Variants in CHCHD6 observed in about 807,000 individuals in gnomAD.
CHCHD6 encodes coiled-coil-helix-coiled-coil-helix domain containing 6, also known as MICOS complex subunit MIC25.
In CHCHD6, 28 loss-of-function variants were observed where a neutral mutation model predicts 32.3. The observed-to-expected ratio is 0.87, with a 90% CI of 0.64 to 1.19. The LOEUF is 1.19. CHCHD6 is among the 50% of genes most tolerant of loss of function. The probability of loss-of-function intolerance (pLI) is 0.00; values close to 1 mark genes in which losing one functional copy is unlikely to be tolerated. For synonymous variants in CHCHD6, 122 were observed against 117.5 expected (o/e 1.04, Z -0.25); for missense variants, 333 against 307.0 (o/e 1.08, Z -0.63).
At chr3:126,733,328 C>A (rs1395597246) in intron 4 of CHCHD6, 106 bp downstream of exon 4, 6 of 1,122,812 alleles carry the variant, frequency 5.3e-6, no homozygotes, top group Non-Finnish European at 7.7e-6. Context: ...CTGGCTCAGG[C>A]TGCCCCTGGG....
chr3:126,890,130 GC>G (rs1307115356), intron 5 of CHCHD6, among the ~76,000 whole-genome samples: 1 of 152,240 alleles, frequency 6.6e-6, no homozygotes, highest in African/African-American at 2.4e-5. Flanking sequence ...TAGGCCATGT[GC>G]CAGCCGCCTG....
intron 1 of CHCHD6, among the ~76,000 whole-genome samples, chr3:126,707,129 T>C (rs1387008350): frequency 6.6e-6 from 1 of 152,056 alleles, no homozygotes; most frequent in Non-Finnish European, 1.5e-5. Context: ...TAGCTGGGCA[T>C]GGTGGCACAC....
At chr3:126,784,344 G>C (rs549329498) in intron 4 of CHCHD6, among the ~76,000 whole-genome samples, 59 of 152,202 alleles carry the variant, frequency 3.9e-4, no homozygotes, top group African/African-American at 1.3e-3. Flanking sequence ...AAACTTCCCT[G>C]TTCTCAGCCC....
chr3:126,721,168 G>A lies in CHCHD6; in HGVS notation c.88-5910G>A, dbSNP rs544942628. 1.1e-4 allele frequency among the ~76,000 whole-genome samples: 17 copies of A among 152,250 alleles called. 1 individual carries two copies. The highest frequency in any genetic ancestry group is 6.8e-3 in the Middle Eastern group (2 of 294). On this transcript the variant is annotated intron_variant, in intron 1 of 7. Coordinates refer to ENST00000290913, the MANE Select transcript of CHCHD6 (RefSeq NM_032343.3). ...TTTCATCCCACCTCCCACGCAGGCCGTGGTGATGTTTCCTTGCTCACAAAC... is the reference window on the plus strand; with the variant it reads ...TTTCATCCCACCTCCCACGCAGGCCATGGTGATGTTTCCTTGCTCACAAAC...
At chr3:126,877,609 A>C (rs2077556241) in intron 5 of CHCHD6, among the ~76,000 whole-genome samples, 2 of 152,212 alleles carry the variant, frequency 1.3e-5, no homozygotes, top group African/African-American at 4.8e-5. Flanking sequence ...TACAAACAGC[A>C]TTAAAGGAAC....
intron 4 of CHCHD6, among the ~76,000 whole-genome samples, chr3:126,816,009 A>G (rs1308667155): frequency 3.9e-5 from 6 of 152,078 alleles, no homozygotes; most frequent in Non-Finnish European, 7.4e-5. Flanking sequence ...AAAGGTGTCT[A>G]TTGACATCCA....
intron 4 of CHCHD6, among the ~76,000 whole-genome samples, chr3:126,843,731 T>A (rs1016418255): frequency 2.0e-5 from 3 of 152,126 alleles, no homozygotes; most frequent in Admixed American, 1.3e-4. Context: ...CTCCCAAGAG[T>A]TCAATTACAT....
At chr3:126,734,955 G>T (rs555719689) in intron 4 of CHCHD6, among the ~76,000 whole-genome samples, 29 of 152,334 alleles carry the variant, frequency 1.9e-4, no homozygotes, top group African/African-American at 6.5e-4. Context: ...GATCTGACTT[G>T]TGCTTTTAGA....
At chr3:126,764,109 T>C (rs895677954) in intron 4 of CHCHD6, among the ~76,000 whole-genome samples, 1 of 150,668 alleles carries the variant, frequency 6.6e-6, no homozygotes, top group Non-Finnish European at 1.5e-5. Flanking sequence ...TTTTTTTGTT[T>C]TCTAGACAAT....
chr3:126,955,210 G>A (rs2078766481), intron 6 of CHCHD6, among the ~76,000 whole-genome samples: 1 of 152,246 alleles, frequency 6.6e-6, no homozygotes, highest in Non-Finnish European at 1.5e-5. Flanking sequence ...TTAAGCACCT[G>A]GAGACAAATC....
intron 1 of CHCHD6, among the ~76,000 whole-genome samples, chr3:126,713,549 G>A (rs9839501): frequency 0.21 from 31,240 of 152,108 alleles, 3,494 homozygotes; most frequent in South Asian, 0.35. Context: ...TGGCTGGCCA[G>A]GTGGAAGTGT....
chr3:126,862,126 A>C (rs1576511542), intron 5 of CHCHD6, among the ~76,000 whole-genome samples: 3 of 37,030 alleles, frequency 8.1e-5, no homozygotes, highest in Admixed American at 2.9e-4. Context: ...CACCATCACC[A>C]CCTCCCCCTC....
At chr3:126,835,322 ACGT>A (rs1559871972) in intron 4 of CHCHD6, among the ~76,000 whole-genome samples, 1 of 151,574 alleles carries the variant, frequency 6.6e-6, no homozygotes, top group African/African-American at 2.4e-5. Context: ...TGCCTGCCTG[ACGT>A]CGTTACGGGC....
In CHCHD6 at chr3:126,704,264, T is replaced by G. The variant is rs573103239; in HGVS notation, c.-49T>G. On this transcript the variant is annotated 5_prime_UTR_variant, in exon 1 of 8. Coordinates refer to ENST00000290913, the MANE Select transcript of CHCHD6 (RefSeq NM_032343.3). Reference sequence around the variant, plus strand: ...GAAAGCGTTGTTGGCCCGGTTGCTCTGGAGCCGGGTCTCGGGTCTGGTGGC... The same window carrying G: ...GAAAGCGTTGTTGGCCCGGTTGCTCGGGAGCCGGGTCTCGGGTCTGGTGGC... 4.0e-6 allele frequency: 6 copies of G among 1,496,492 alleles called. No individual in the cohort carries two copies. The South Asian group carries it at 4.6e-5, about 11-fold the overall frequency. The allele number at this position is 1,496,492 out of a possible 1,614,324, so 92.7% of individuals were successfully genotyped here.
At chr3:126,875,703 G>C (rs1046997464) in intron 5 of CHCHD6, among the ~76,000 whole-genome samples, 7 of 152,216 alleles carry the variant, frequency 4.6e-5, no homozygotes, top group Non-Finnish European at 8.8e-5. Flanking sequence ...CCAGGGTTTA[G>C]ACTCTAACCC....
intron 1 of CHCHD6, among the ~76,000 whole-genome samples, chr3:126,723,916 A>C (rs1205746124): frequency 6.6e-6 from 1 of 152,178 alleles, no homozygotes; most frequent in Non-Finnish European, 1.5e-5. Context: ...GCACTTAATA[A>C]ATATTTACTA....
At chr3:126,903,683 G>A (rs1390133036) in intron 5 of CHCHD6, among the ~76,000 whole-genome samples, 1 of 152,232 alleles carries the variant, frequency 6.6e-6, no homozygotes. Flanking sequence ...AGATAGTGGT[G>A]CCACCCAACT....
At chr3:126,872,999 G>T (rs545090685) in intron 5 of CHCHD6, among the ~76,000 whole-genome samples, 3 of 152,216 alleles carry the variant, frequency 2.0e-5, no homozygotes, top group Non-Finnish European at 2.9e-5. Context: ...TGTCAGCACT[G>T]TGCAGGATAT....
At chr3:126,883,614 G>A (rs1043885566) in intron 5 of CHCHD6, among the ~76,000 whole-genome samples, 2 of 152,154 alleles carry the variant, frequency 1.3e-5, no homozygotes, top group East Asian at 1.9e-4. Context: ...CTTCTAAGGC[G>A]TACTCCAAAC....
Sources: gnomAD v4.1 joint callset for allele counts (sites outside exome capture counted in the v4.1 genomes callset) on GRCh38, gnomAD v4.1.1 for gene constraint, MANE v1.5 for transcripts, NCBI Gene and HGNC (gene_info 2026-07-23, HGNC 2026-07-21) for gene names.